JMY: variants seen among roughly 807,000 people sequenced by gnomAD.
JMY encodes junction-mediating and -regulatory protein.
JMY carries 46 observed loss-of-function variants against 103.3 expected under a neutral mutation model. The observed-to-expected ratio is 0.45, with a 90% confidence interval of 0.35 to 0.57. The LOEUF (loss-of-function observed/expected upper bound fraction) is 0.57. Among genes scored for constraint, JMY ranks in the 20% least tolerant of loss-of-function variants. JMY has a pLI of 0.00. For missense variants in JMY, 1,238 were observed against 1,255.2 expected, an observed-to-expected ratio of 0.99 and a Z score of 0.21; for synonymous variants, 526 against 489.3, an observed-to-expected ratio of 1.07 and a Z score of -0.99.
chr5:79,326,063 C>G lies in JMY; in HGVS notation c.*4461C>G, dbSNP rs1747633723. ...TCCCTTCTGCAGAGACATTATGCCA[C>G]TGTAAGGTGCATGTACAGAAAATAC... On this transcript the variant is annotated 3_prime_UTR_variant, in exon 11 of 11. Coordinates refer to ENST00000396137, the MANE Select transcript of JMY (RefSeq NM_152405.5). 1 of 152,168 alleles carries G rather than the reference C, an allele frequency of 6.6e-6. No individual in the cohort carries two copies. Among genetic ancestry groups the G allele is most frequent in the Admixed American group, 6.5e-5 (1 of 15,282 alleles). 9.4% of individuals were successfully genotyped at this position (152,168 alleles called of 1,614,324 possible).
intron 4 of JMY, 129 bp from the exon 5 acceptor site, chr5:79,300,024 C>A: frequency 1.8e-6 from 1 of 549,142 alleles, no homozygotes; most frequent in Non-Finnish European, 3.1e-6. Context: ...GATTCCATGC[C>A]TACAAGTTTC....
intron 1 of JMY, among the ~76,000 whole-genome samples, chr5:79,261,828 T>C (rs1204251037): frequency 6.6e-6 from 1 of 152,194 alleles, no homozygotes; most frequent in Non-Finnish European, 1.5e-5. Context: ...TTTCACCATG[T>C]TGGCCAAGCT....
chr5:79,241,839 C>G (rs1289324470), intron 1 of JMY, among the ~76,000 whole-genome samples: 2 of 152,076 alleles, frequency 1.3e-5, no homozygotes, highest in East Asian at 3.9e-4. Flanking sequence ...TGAATCAGTC[C>G]TTAAATGAAT....
chr5:79,301,955 C>A (rs576831658), intron 6 of JMY, among the ~76,000 whole-genome samples: 10 of 151,874 alleles, frequency 6.6e-5, no homozygotes, highest in Non-Finnish European at 1.3e-4. Flanking sequence ...TGGTGGCACG[C>A]GCCTGTAATC....
chr5:79,291,530 G>A (rs542056078), intron 4 of JMY, among the ~76,000 whole-genome samples: 3 of 152,206 alleles, frequency 2.0e-5, no homozygotes, highest in African/African-American at 4.8e-5. Context: ...TGATCAGAGG[G>A]GCCAGCATCA....
intron 8 of JMY, 66 bp from the exon 9 acceptor site, chr5:79,314,191 A>G (rs1342471129): frequency 4.6e-6 from 7 of 1,527,270 alleles, no homozygotes; most frequent in Non-Finnish European, 6.1e-6. Context: ...GAGAAAATAA[A>G]TAGGCATGTG....
intron 1 of JMY, among the ~76,000 whole-genome samples, chr5:79,253,349 G>T (rs371584775): frequency 1.3e-5 from 2 of 152,026 alleles, no homozygotes; most frequent in Non-Finnish European, 2.9e-5. Context: ...CTGGAGTGCA[G>T]TGGCGCAATC....
chr5:79,261,869 C>T (rs924661148), intron 1 of JMY, among the ~76,000 whole-genome samples: 1 of 152,090 alleles, frequency 6.6e-6, no homozygotes, highest in Non-Finnish European at 1.5e-5. Flanking sequence ...AAGTGATCTG[C>T]CCGTCTAGGC....
Position 79,237,042 on chromosome 5 carries a change from C to G in JMY, c.392C>G (p.Pro131Arg). 6.6e-7 allele frequency: 1 copy of G among 1,518,662 alleles called. No homozygotes were observed. The allele number at this position is 1,518,662 out of a possible 1,614,324, so 94.1% of individuals were successfully genotyped here. A position where few individuals can be genotyped will look rare whatever the true frequency, so the allele number is the denominator to read the frequency against. ...CTGGGGGACCCGCGGCTGCGGAGTC[C>G]TGGCAGCAAAGGGGCGGAGAGTCGT... ...SLLGDPRLRS[P>R]GSKGAESRLR... Residue 131 changes from proline (P) to arginine (R), a missense_variant, in exon 1 of 11, where the codon CCT becomes CGT. By Grantham distance (103) the Pro-to-Arg change is moderately radical (BLOSUM62 -2). Coordinates refer to ENST00000396137, the MANE Select transcript of JMY (RefSeq NM_152405.5).
chr5:79,303,348 C>T (rs1458652733), intron 6 of JMY, among the ~76,000 whole-genome samples: 1 of 152,114 alleles, frequency 6.6e-6, no homozygotes, highest in African/African-American at 2.4e-5. Flanking sequence ...CAGGTGTGAG[C>T]CACTGTGCCC....
chr5:79,261,141 G>A (rs1009354802), intron 1 of JMY, among the ~76,000 whole-genome samples: 11 of 152,228 alleles, frequency 7.2e-5, no homozygotes, highest in Admixed American at 6.5e-4. Flanking sequence ...TCCTAAATAA[G>A]ATGGCTACAA....
At chr5:79,244,827 CTATT>C (rs1265967344) in intron 1 of JMY, among the ~76,000 whole-genome samples, 1 of 142,750 alleles carries the variant, frequency 7.0e-6, no homozygotes. Flanking sequence ...GTTCTTGTAA[CTATT>C]TGTTTTTTTT....
Position 79,270,514 on chromosome 5 carries a change from A to G in JMY, c.1033-7396A>G, listed in dbSNP as rs1473677832. ...ACATAAAATATATATTTACATAAAT[A>G]TTTAAAATATATATTTACATAAATA... On this transcript the variant is annotated intron_variant, in intron 1 of 10. Transcript: ENST00000396137. Among the ~76,000 whole-genome samples, 4 of 85,022 alleles carry G rather than the reference A, an allele frequency of 4.7e-5. 2 individuals carry two copies. The highest frequency in any genetic ancestry group is 1.1e-4 in the Non-Finnish European group (4 of 38,000). The allele number at this position is 85,022 out of a possible 152,430, so 55.8% of individuals were successfully genotyped here. A position where few individuals can be genotyped will look rare whatever the true frequency, so the allele number is the denominator to read the frequency against.
intron 1 of JMY, among the ~76,000 whole-genome samples, chr5:79,263,274 A>C (rs1407059773): frequency 6.6e-6 from 1 of 152,248 alleles, no homozygotes; most frequent in African/African-American, 2.4e-5. Context: ...CCTAAAAGGA[A>C]GAGGCTGAGG....
At chr5:79,273,160 T>C (rs943820354) in intron 1 of JMY, among the ~76,000 whole-genome samples, 1 of 152,194 alleles carries the variant, frequency 6.6e-6, no homozygotes. Flanking sequence ...TTTATGAAAA[T>C]CTAAGTTTCC....
intron 1 of JMY, among the ~76,000 whole-genome samples, chr5:79,240,557 C>T (rs1744706762): frequency 6.6e-6 from 1 of 152,200 alleles, no homozygotes; most frequent in Admixed American, 6.5e-5. Context: ...GATCTAACTG[C>T]CTCGGCCTCC....
In JMY at chr5:79,236,139, G is replaced by A. The variant is rs936270342; in HGVS notation, c.-512G>A. ...GAGCCGCCGACGTCAGCAGTCGAAT[G>A]GCAACATTGTGGCGATGCTGAGGCG... is the stretch of plus-strand genomic sequence containing the variant. On this transcript the variant is annotated 5_prime_UTR_variant, in exon 1 of 11. It removes an upstream start codon present in the reference 5' UTR. Coordinates refer to ENST00000396137, the MANE Select transcript of JMY (RefSeq NM_152405.5). 2 of 151,140 alleles carry A rather than the reference G, an allele frequency of 1.3e-5. No homozygotes were observed. The highest frequency in any genetic ancestry group is 2.4e-5 in the African/African-American group (1 of 41,320). 9.4% of individuals were successfully genotyped at this position (151,140 alleles called of 1,614,324 possible).
chr5:79,248,617 T>C (rs1034315820), intron 1 of JMY, among the ~76,000 whole-genome samples: 5 of 151,896 alleles, frequency 3.3e-5, no homozygotes, highest in Non-Finnish European at 2.9e-5. Flanking sequence ...CTCCTTCTTA[T>C]AATTATAGTA....
At chr5:79,237,861 T>G (rs997257942) in intron 1 of JMY, among the ~76,000 whole-genome samples, 179 bp downstream of exon 1, 13 of 151,620 alleles carry the variant, frequency 8.6e-5, no homozygotes, top group Non-Finnish European at 1.6e-4. Context: ...GGCTGCTTAA[T>G]TGACTCTCTG....
Sources: allele counts gnomAD v4.1 joint callset (sites outside exome capture counted in the v4.1 genomes callset), GRCh38; gene constraint gnomAD v4.1.1; transcripts MANE v1.5; gene names NCBI Gene and HGNC (gene_info 2026-07-23, HGNC 2026-07-21).